Variants in PDK1 observed in about 807,000 individuals in gnomAD.
The protein encoded by PDK1 is pyruvate dehydrogenase kinase 1, also known as [Pyruvate dehydrogenase (acetyl-transferring)] kinase isozyme 1, mitochondrial.
PDK1 carries 39 observed loss-of-function variants against 54.2 expected under a neutral mutation model. That is an observed-to-expected ratio of 0.72 (90% CI 0.56 to 0.94). The LOEUF (loss-of-function observed/expected upper bound fraction) is 0.94, where lower values mean the gene tolerates loss of function less well. PDK1 is among the 40% of genes least tolerant of loss of function. The pLI is 0.00. For missense variants in PDK1, 552 were observed against 566.0 expected (o/e 0.98, Z 0.25); for synonymous variants, 221 against 207.1 (o/e 1.07, Z -0.58).
the PDK1 span, among the ~76,000 whole-genome samples, chr2:172,688,340 A>G: frequency 1.6e-3 from 248 of 152,278 alleles, 3 homozygotes; most frequent in African/African-American, 5.7e-3. Context: ...CCCTGGTCAG[A>G]TGCTCTTTGT....
rs900111479 is a variant in PDK1 at position 172,596,802 on chromosome 2, C to T, written c.*833C>T. On this transcript the variant is annotated 3_prime_UTR_variant, in exon 11 of 11. Coordinates refer to ENST00000282077, the MANE Select transcript of PDK1 (RefSeq NM_002610.5). ...GCTTTTCTGCATCCTACTCCAGATA[C>T]ACTGAATCGGAATCCCTAGGGCTAG... 2 of 152,216 alleles carry T rather than the reference C, an allele frequency of 1.3e-5. No homozygotes were observed. The highest frequency in any genetic ancestry group is 2.4e-5 in the African/African-American group (1 of 41,474). The allele number at this position is 152,216 out of a possible 1,614,324, so 9.4% of individuals were successfully genotyped here.
At chr2:172,647,267 G>T in the PDK1 span, among the ~76,000 whole-genome samples, 3 of 152,088 alleles carry the variant, frequency 2.0e-5, no homozygotes, top group African/African-American at 7.2e-5. Context: ...GGGAGGGGGC[G>T]CAGGGAATAT....
the PDK1 span, among the ~76,000 whole-genome samples, chr2:172,657,563 A>G: frequency 6.6e-6 from 1 of 151,928 alleles, no homozygotes; most frequent in African/African-American, 2.4e-5. Flanking sequence ...CCAATTACTG[A>G]AGGAGTTAAA....
At chr2:172,713,780 G>A in the PDK1 span, among the ~76,000 whole-genome samples, 1 of 152,188 alleles carries the variant, frequency 6.6e-6, no homozygotes, top group Non-Finnish European at 1.5e-5. Context: ...GGAGGGCAAG[G>A]TTCCCGCCCC....
downstream of PDK1, among the ~76,000 whole-genome samples, chr2:172,611,331 C>T (rs757065580): frequency 5.3e-5 from 8 of 152,034 alleles, no homozygotes; most frequent in Non-Finnish European, 1.0e-4. Flanking sequence ...AGAAATCAAC[C>T]AGGATGAAAT....
At chr2:172,627,466 A>T in the PDK1 span, among the ~76,000 whole-genome samples, 3 of 152,202 alleles carry the variant, frequency 2.0e-5, no homozygotes, top group Admixed American at 1.3e-4. Context: ...AACACAGAAC[A>T]TGCTTCTATT....
the PDK1 span, among the ~76,000 whole-genome samples, chr2:172,629,820 TGCTC>T: frequency 1.3e-5 from 2 of 152,118 alleles, no homozygotes; most frequent in Non-Finnish European, 2.9e-5. Flanking sequence ...TGGCCAGAAG[TGCTC>T]ATCCTGGCCT....
At chr2:172,570,660 A>G (rs1689196966) in intron 7 of PDK1, 66 bp from the exon 8 acceptor site, 1 of 896,826 alleles carries the variant, frequency 1.1e-6, no homozygotes, top group South Asian at 1.5e-5. Flanking sequence ...GTGCATATGT[A>G]CTTGAAAATT....
At chr2:172,558,393 G>A (rs1446844046) in intron 1 of PDK1, 1 of 224,802 alleles carries the variant, frequency 4.4e-6, no homozygotes, top group Non-Finnish European at 8.5e-6. Context: ...GCCTTGCTCA[G>A]ACATGCTCAG....
At chr2:172,575,137 T>C (rs1165701657) in intron 8 of PDK1, among the ~76,000 whole-genome samples, 1 of 152,246 alleles carries the variant, frequency 6.6e-6, no homozygotes, top group Admixed American at 6.5e-5. Context: ...GTTTGTTCTT[T>C]GTTCTATTAA....
At chr2:172,574,165 C>T (rs1043596781) in intron 8 of PDK1, among the ~76,000 whole-genome samples, 2 of 152,160 alleles carry the variant, frequency 1.3e-5, no homozygotes, top group African/African-American at 4.8e-5. Flanking sequence ...CCAGTTGTCC[C>T]AGTACTATTT....
the PDK1 span, among the ~76,000 whole-genome samples, chr2:172,700,770 G>A: frequency 6.6e-5 from 10 of 152,348 alleles, no homozygotes; most frequent in African/African-American, 2.4e-4. Flanking sequence ...GGGAGGCCGA[G>A]GCTGGCAGAT....
At chr2:172,663,266 T>C in the PDK1 span, among the ~76,000 whole-genome samples, 1 of 152,176 alleles carries the variant, frequency 6.6e-6, no homozygotes, top group Non-Finnish European at 1.5e-5. Context: ...AATCCAATCA[T>C]ATTGGATTAA....
intron 9 of PDK1, among the ~76,000 whole-genome samples, chr2:172,590,017 GGTTTTGATTTC>G (rs1199039944): frequency 6.6e-6 from 1 of 152,176 alleles, no homozygotes; most frequent in African/African-American, 2.4e-5. Context: ...TAGAAGCTTA[GGTTTTGATTTC>G]TAAGACAGTG....
At chr2:172,589,058 A>G (rs77682741) in intron 9 of PDK1, among the ~76,000 whole-genome samples, 2,632 of 152,178 alleles carry the variant, frequency 0.017, 75 homozygotes, top group African/African-American at 0.061. Context: ...CCACCAGTGG[A>G]CTAGGCCCAT....
At chr2:172,613,223 C>G (rs530068917), downstream of PDK1, among the ~76,000 whole-genome samples, 6 of 152,274 alleles carry the variant, frequency 3.9e-5, no homozygotes, top group Admixed American at 1.3e-4. Context: ...GTACCCTGGC[C>G]CTGCTCAGTC....
At chr2:172,569,195 A>G (rs995655172) in intron 7 of PDK1, among the ~76,000 whole-genome samples, 1 of 152,226 alleles carries the variant, frequency 6.6e-6, no homozygotes, top group Non-Finnish European at 1.5e-5. Context: ...CGTATTACAT[A>G]TAGGTGCTCA....
the PDK1 span, among the ~76,000 whole-genome samples, chr2:172,616,472 A>G: frequency 0.2 from 30,886 of 152,138 alleles, 3,615 homozygotes; most frequent in African/African-American, 0.3. Context: ...GCCATAAACT[A>G]AAAAAACCAA....
In PDK1 at chr2:172,596,165, T is replaced by C. The variant is rs1017093054; in HGVS notation, c.*196T>C. 106 of 443,240 alleles carry C rather than the reference T, an allele frequency of 2.4e-4. No homozygotes were observed. The highest frequency in any genetic ancestry group is 2.2e-3 in the East Asian group (68 of 30,896). 27.5% of individuals were successfully genotyped at this position (443,240 alleles called of 1,614,324 possible). On this transcript the variant is annotated 3_prime_UTR_variant, in exon 11 of 11. Transcript: ENST00000282077. ...TGAAATTGCACCTATTTTACACTTATATTTTCACAGTTAATTGAACATATT... is the reference window on the plus strand; with the variant it reads ...TGAAATTGCACCTATTTTACACTTACATTTTCACAGTTAATTGAACATATT...
Sources: allele counts gnomAD v4.1 joint callset (sites outside exome capture counted in the v4.1 genomes callset), GRCh38; gene constraint gnomAD v4.1.1; transcripts MANE v1.5; gene names NCBI Gene and HGNC (gene_info 2026-07-23, HGNC 2026-07-21).